CA12: variants seen among roughly 807,000 people sequenced by gnomAD.
CA12 encodes the protein carbonate dehydratase XII.
A neutral mutation model predicts 46.8 loss-of-function variants in CA12; 36 were observed. That is an observed-to-expected ratio of 0.77 (90% confidence interval 0.59 to 1.02). The LOEUF is 1.02. Ranked by LOEUF, CA12 falls within the 50% of genes least tolerant of loss-of-function variation. The pLI, the probability that CA12 is intolerant of heterozygous loss-of-function variation, is 0.00. For synonymous variants in CA12, 202 were observed against 187.0 expected (o/e 1.08, Z -0.65); for missense variants, 436 against 451.4 (o/e 0.97, Z 0.31).
Position 63,340,834 on chromosome 15 carries a change from G to GC in CA12, c.526-52dup, listed in dbSNP as rs747127290. On this transcript the variant is annotated intron_variant, in intron 5 of 10. Transcript: ENST00000178638. This position sits in a 1 kb window ranked among gnomAD's most constrained non-coding sequence, Gnocchi z 4.4. ...ACTGGGACAGAACAGGATAGGCTGA[G>GC]CCAGGATTGACGATTGCTATCAGAA... 3 of 1,539,038 alleles carry GC rather than the reference G, an allele frequency of 1.9e-6. No individual in the cohort carries two copies. Among genetic ancestry groups the GC allele is most frequent in the Non-Finnish European group, 2.7e-6 (3 of 1,111,842 alleles).
chr15:63,376,557 C>CCTTTCTTTCTTTCTTTCTTTCTTTCTTT (rs66768055), intron 1 of CA12, among the ~76,000 whole-genome samples: 2,735 of 104,502 alleles, frequency 0.026, 123 homozygotes, highest in Non-Finnish European at 0.032. Context: ...CTCTTTCTTT[C>CCTTTCTTTCTTTCTTTCTTTCTTTCTTT]CTTTCTTTCT....
chr15:63,342,958 T>TA (rs1362841654), intron 4 of CA12, among the ~76,000 whole-genome samples: 6 of 152,084 alleles, frequency 3.9e-5, no homozygotes, highest in South Asian at 2.1e-4. Context: ...CCTTCTAACT[T>TA]AAAAAAAATT....
chr15:63,326,231 G>A lies in CA12; in HGVS notation c.*54C>T, dbSNP rs2038864214. 2.2e-6 allele frequency: 3 copies of A among 1,348,820 alleles called. No homozygotes were observed. The highest frequency in any genetic ancestry group is 2.3e-5 in the East Asian group (1 of 43,708). 83.6% of individuals were successfully genotyped at this position (1,348,820 alleles called of 1,614,324 possible). ...TCGCAAGTGTCCAGAGAGCCGAAGTGTGTAGGGTCCAAAGCAAGGTCCTTC... is the reference window on the plus strand; with the variant it reads ...TCGCAAGTGTCCAGAGAGCCGAAGTATGTAGGGTCCAAAGCAAGGTCCTTC... On this transcript the variant is annotated 3_prime_UTR_variant, in exon 11 of 11. Transcript: ENST00000178638.
chr15:63,373,226 G>A lies in CA12; in HGVS notation c.106+2432C>T, dbSNP rs912004517. 7.2e-5 allele frequency among the ~76,000 whole-genome samples: 11 copies of A among 152,048 alleles called. No homozygotes were observed. The highest frequency in any genetic ancestry group is 1.2e-4 in the Non-Finnish European group (8 of 68,010). ...ATAAAAATACAGAAATTAGCCGGGC[G>A]TGATGGCACACCCCTGTAATCCCAG... On this transcript the variant is annotated intron_variant, in intron 2 of 10. Coordinates refer to ENST00000178638, the MANE Select transcript of CA12 (RefSeq NM_001218.5). The surrounding 1 kb of genome is among the most constrained non-coding windows in gnomAD (Gnocchi z 4.9).
rs2038895243 is a variant in CA12, at chr15:63,328,354, T to TTTTA, written c.875-225_875-224insTAAA. On this transcript the variant is annotated intron_variant, in intron 8 of 10. Transcript: ENST00000178638. The surrounding 1 kb of genome is among the most constrained non-coding windows in gnomAD (Gnocchi z 5.9). ...CCGATGCTCCTTTTTTTTTTTTTTT[T>TTTTA]GAGATGGAATCTCGCTCTGCCGCCC... 6.7e-6 allele frequency among the ~76,000 whole-genome samples: 1 copy of TTTTA among 149,660 alleles called. No individual in the cohort carries two copies. Among genetic ancestry groups the TTTTA allele is most frequent in the African/African-American group, 2.5e-5 (1 of 40,560 alleles).
chr15:63,337,184 T>C (rs2039014504), intron 8 of CA12, among the ~76,000 whole-genome samples: 1 of 152,240 alleles, frequency 6.6e-6, no homozygotes, highest in Admixed American at 6.5e-5. Context: ...ATGATCTTAA[T>C]TAGTTGTACC....
chr15:63,346,866 G>A (rs2039157028), intron 2 of CA12, among the ~76,000 whole-genome samples, 157 bp from the exon 3 acceptor site: 1 of 152,346 alleles, frequency 6.6e-6, no homozygotes, highest in East Asian at 1.9e-4. Flanking sequence ...TCCAGAATCA[G>A]GTCCAGCAAC....
chr15:63,377,682 ACC>A (rs1326919002), intron 1 of CA12, among the ~76,000 whole-genome samples: 3 of 152,144 alleles, frequency 2.0e-5, no homozygotes, highest in Non-Finnish European at 1.5e-5. Flanking sequence ...ACATTCCCTA[ACC>A]ATGTACTGCT....
chr15:63,345,332 C>G lies in CA12; in HGVS notation c.429+145G>C. The G allele has an allele frequency of 1.0e-6, 1 of 972,284 alleles. No individual in the cohort carries two copies. Among genetic ancestry groups the G allele is most frequent in the Non-Finnish European group, 1.6e-6 (1 of 641,248 alleles). 60.2% of individuals were successfully genotyped at this position (972,284 alleles called of 1,614,324 possible). A position where few individuals can be genotyped will look rare whatever the true frequency, so the allele number is the denominator to read the frequency against. On this transcript the variant is annotated intron_variant, in intron 4 of 10. Transcript: ENST00000178638. The surrounding 1 kb of genome is among the most constrained non-coding windows in gnomAD (Gnocchi z 4.3). Reference sequence around the variant, plus strand: ...CTACAGGCTAGTGGAGTGGCTGCGCCCCTTGTGCCAGGGCCAGAGGTGGGG... The same window carrying G: ...CTACAGGCTAGTGGAGTGGCTGCGCGCCTTGTGCCAGGGCCAGAGGTGGGG...
rs1018109310 is a variant in CA12, at chr15:63,348,421, G to A, written c.107-1712C>T. On this transcript the variant is annotated intron_variant, in intron 2 of 10. Coordinates refer to ENST00000178638, the MANE Select transcript of CA12 (RefSeq NM_001218.5). The surrounding 1 kb of genome is among the most constrained non-coding windows in gnomAD (Gnocchi z 4.6). Reference sequence around the variant, plus strand: ...CAATTATTCAGCTGGGGGCCAAACCGAATGCTTTAGGGGCAGCGGGGAGCA... The same window carrying A: ...CAATTATTCAGCTGGGGGCCAAACCAAATGCTTTAGGGGCAGCGGGGAGCA... Among the ~76,000 whole-genome samples, 1 of 152,178 alleles carries A rather than the reference G, an allele frequency of 6.6e-6. No individual in the cohort carries two copies. The highest frequency in any genetic ancestry group is 2.4e-5 in the African/African-American group (1 of 41,440).
chr15:63,352,694 T>C (rs571695910), intron 2 of CA12, among the ~76,000 whole-genome samples: 1 of 152,156 alleles, frequency 6.6e-6, no homozygotes, highest in Non-Finnish European at 1.5e-5. Context: ...AGGATACCAC[T>C]GTAGTGGCAA....
chr15:63,342,721 A>G (rs1287663131), intron 4 of CA12, among the ~76,000 whole-genome samples: 1 of 152,158 alleles, frequency 6.6e-6, no homozygotes, highest in Non-Finnish European at 1.5e-5. Flanking sequence ...GGAGAGGTCC[A>G]TTCAGATGGC....
intron 4 of CA12, among the ~76,000 whole-genome samples, chr15:63,343,870 G>A (rs2039112956): frequency 6.6e-6 from 1 of 152,116 alleles, no homozygotes. Context: ...GTCAAGCTGG[G>A]AGCTGCCTCC....
chr15:63,335,223 TC>T (rs2038986457), intron 8 of CA12, among the ~76,000 whole-genome samples: 1 of 152,184 alleles, frequency 6.6e-6, no homozygotes, highest in Admixed American at 6.5e-5. Flanking sequence ...GTAAGAATTA[TC>T]CTGCCTAAGT....
intron 2 of CA12, among the ~76,000 whole-genome samples, chr15:63,352,212 C>T (rs2039241485): frequency 6.6e-6 from 1 of 152,164 alleles, no homozygotes; most frequent in Admixed American, 6.5e-5. Flanking sequence ...CGTGCCTCCA[C>T]GCCCAGCTAA....
At chr15:63,370,700 G>A (rs1432354820) in intron 2 of CA12, among the ~76,000 whole-genome samples, 1 of 151,712 alleles carries the variant, frequency 6.6e-6, no homozygotes, top group Non-Finnish European at 1.5e-5. Flanking sequence ...TTGAACCTGG[G>A]AGGCGGAGGT....
chr15:63,326,184 C>G lies in CA12; in HGVS notation c.*101G>C. 2 of 916,812 alleles carry G rather than the reference C, an allele frequency of 2.2e-6. No individual in the cohort carries two copies. The highest frequency in any genetic ancestry group is 3.6e-6 in the Non-Finnish European group (2 of 552,978). 56.8% of individuals were successfully genotyped at this position (916,812 alleles called of 1,614,324 possible). ...AGGCCTGGCATGTTTGCAGATTGAG[C>G]TACAGAGAACACCTTGAGGTGTCGC... On this transcript the variant is annotated 3_prime_UTR_variant, in exon 11 of 11. Transcript: ENST00000178638.
intron 4 of CA12, among the ~76,000 whole-genome samples, chr15:63,343,318 G>A (rs2039106143): frequency 9.2e-6 from 1 of 108,506 alleles, no homozygotes; most frequent in Non-Finnish European, 1.8e-5. Flanking sequence ...TTTCGCTCTT[G>A]TTGCCCAGGC....
At chr15:63,367,770 T>G (rs2152625279) in intron 2 of CA12, among the ~76,000 whole-genome samples, 1 of 152,376 alleles carries the variant, frequency 6.6e-6, no homozygotes, top group Middle Eastern at 3.4e-3. Context: ...AGCTAGTATT[T>G]GTTTCTTCCT....
Sources: allele counts gnomAD v4.1 joint callset (sites outside exome capture counted in the v4.1 genomes callset), GRCh38; gene constraint gnomAD v4.1.1; non-coding constraint Gnocchi (gnomAD v3.1); transcripts MANE v1.5; gene names NCBI Gene and HGNC (gene_info 2026-07-23, HGNC 2026-07-21).